Variants in AGBL3 observed in about 807,000 individuals in gnomAD.
AGBL3 encodes the protein cytosolic carboxypeptidase 3.
Under a neutral mutation model 94.5 loss-of-function variants are expected in AGBL3, and 68 were observed. The ratio of observed to expected loss-of-function variants is 0.72; its 90% CI spans 0.59 to 0.88. AGBL3 has a LOEUF of 0.88. Among genes scored for constraint, AGBL3 ranks in the 40% least tolerant of loss-of-function variants. The pLI is 0.00. For missense variants in AGBL3, 934 were observed against 1,103.8 expected (o/e 0.85, Z 2.18); for synonymous variants, 354 against 370.7 (o/e 0.95, Z 0.52).
At chr7:135,005,028 A>G (rs1167614082) in intron 4 of AGBL3, among the ~76,000 whole-genome samples, 1 of 151,702 alleles carries the variant, frequency 6.6e-6, no homozygotes. Flanking sequence ...AAAGGATCGT[A>G]CAGGAACCCA....
intron 4 of AGBL3, among the ~76,000 whole-genome samples, chr7:135,009,282 TATTA>T (rs1812801312): frequency 6.6e-6 from 1 of 152,160 alleles, no homozygotes. Flanking sequence ...CACAATAGAA[TATTA>T]ATTAGCCATA....
chr7:135,056,958 GA>G (rs1195886644), intron 11 of AGBL3, among the ~76,000 whole-genome samples: 2 of 151,922 alleles, frequency 1.3e-5, no homozygotes, highest in African/African-American at 4.8e-5. Context: ...AAAATCCAAG[GA>G]CCTACACTAC....
chr7:135,059,056 C>T (rs576253337), intron 11 of AGBL3, 113 bp from the exon 12 acceptor site: 31 of 840,506 alleles, frequency 3.7e-5, no homozygotes, highest in Non-Finnish European at 5.7e-5. Flanking sequence ...TGCGCCCGGC[C>T]ACTTCTTATA....
chr7:135,062,691 C>A (rs530078355), intron 12 of AGBL3, among the ~76,000 whole-genome samples: 57 of 152,226 alleles, frequency 3.7e-4, no homozygotes, highest in African/African-American at 1.3e-3. Flanking sequence ...GTTGAACCAT[C>A]CCTGTATTCC....
chr7:135,055,408 G>A (rs1818254472), intron 11 of AGBL3, among the ~76,000 whole-genome samples: 1 of 152,162 alleles, frequency 6.6e-6, no homozygotes, highest in Non-Finnish European at 1.5e-5. Flanking sequence ...TAGCTGTAAG[G>A]TTTCTGTAGA....
intron 12 of AGBL3, among the ~76,000 whole-genome samples, chr7:135,062,334 A>G (rs1281656015): frequency 6.6e-6 from 1 of 151,996 alleles, no homozygotes; most frequent in Admixed American, 6.6e-5. Context: ...TCTCCAAACA[A>G]GGACAATTTA....
chr7:135,071,364 C>G (rs923841942), intron 12 of AGBL3, among the ~76,000 whole-genome samples: 1 of 152,032 alleles, frequency 6.6e-6, no homozygotes, highest in Non-Finnish European at 1.5e-5. Context: ...TCAATGCCAT[C>G]CCCATCAAGT....
chr7:135,108,197 C>A (rs906740002), intron 15 of AGBL3, among the ~76,000 whole-genome samples: 1 of 151,998 alleles, frequency 6.6e-6, no homozygotes, highest in African/African-American at 2.4e-5. Context: ...TAAATGGGGG[C>A]ATTTAGCCCA....
intron 5 of AGBL3, among the ~76,000 whole-genome samples, chr7:135,021,155 A>T (rs370557335): frequency 6.6e-6 from 1 of 152,194 alleles, no homozygotes; most frequent in South Asian, 2.1e-4. Flanking sequence ...TAGACACTTC[A>T]TTCTGTTCCA....
chr7:135,062,437 C>T (rs1285196955), intron 12 of AGBL3, among the ~76,000 whole-genome samples: 1 of 152,048 alleles, frequency 6.6e-6, no homozygotes. Flanking sequence ...TTGTCTTGTT[C>T]CTGATCTTAG....
chr7:134,997,620 TACCACC>T (rs556598385), intron 4 of AGBL3, among the ~76,000 whole-genome samples: 2 of 152,126 alleles, frequency 1.3e-5, no homozygotes, highest in Admixed American at 1.3e-4. Context: ...CCAAGGCCTC[TACCACC>T]ACCACCACCA....
Position 135,107,480 on chromosome 7 carries a change from T to C in AGBL3, c.2111-7900T>C, listed in dbSNP as rs192444119. ...CTTAACTTCATTATTTACCCGAAAGTCATTCAGGAGCATGTTGTTTAGTTT... is the reference window on the plus strand; with the variant it reads ...CTTAACTTCATTATTTACCCGAAAGCCATTCAGGAGCATGTTGTTTAGTTT... On this transcript the variant is annotated intron_variant, in intron 15 of 16. Transcript: ENST00000436302. Among the ~76,000 whole-genome samples, 10 of 152,340 alleles carry C rather than the reference T, an allele frequency of 6.6e-5. No individual in the cohort carries two copies. The East Asian group carries it at 1.9e-3, about 29-fold the overall frequency.
intron 12 of AGBL3, among the ~76,000 whole-genome samples, chr7:135,063,362 T>C (rs939837318): frequency 2.0e-5 from 3 of 152,134 alleles, no homozygotes; most frequent in African/African-American, 7.2e-5. Context: ...TCTGATATTA[T>C]TTTCTTCTTT....
In AGBL3 at chr7:135,013,916, C is replaced by T. The variant is rs144815178; in HGVS notation, c.311-3136C>T. 1.3e-3 allele frequency among the ~76,000 whole-genome samples: 192 copies of T among 152,116 alleles called. 3 individuals are homozygous for T. The highest frequency in any genetic ancestry group is 4.6e-3 in the African/African-American group (190 of 41,484). On this transcript the variant is annotated intron_variant, in intron 4 of 16. Transcript: ENST00000436302. ...AAAAGATAAAAACCAAAATGTTGGC[C>T]GGGCGCAGTGGCTCATGTCTGTAAT... is the stretch of plus-strand genomic sequence containing the variant.
intron 7 of AGBL3, 105 bp from the exon 8 acceptor site, chr7:135,037,313 T>C: frequency 1.1e-6 from 1 of 933,328 alleles, no homozygotes; most frequent in Admixed American, 3.5e-5. Context: ...AGCTAGGATA[T>C]AAGAAATTGT....
Position 135,008,618 on chromosome 7 carries a change from GAAA to G in AGBL3, c.311-8423_311-8421del, listed in dbSNP as rs34573898. On this transcript the variant is annotated intron_variant, in intron 4 of 16. Transcript: ENST00000436302. ...AATGCCAGAAGCACAAGCAACAACT[GAAA>G]AAAAAAAAAATAGATGAATTGAACT... 1.2e-3 allele frequency among the ~76,000 whole-genome samples: 166 copies of G among 143,904 alleles called. 3 individuals are homozygous for G. In the South Asian group the frequency reaches 0.023, roughly 20 times the overall value. The allele number at this position is 143,904 out of a possible 152,430, so 94.4% of individuals were successfully genotyped here.
At chr7:135,003,365 A>G (rs183795414) in intron 4 of AGBL3, among the ~76,000 whole-genome samples, 289 of 152,158 alleles carry the variant, frequency 1.9e-3, no homozygotes, top group African/African-American at 6.9e-3. Flanking sequence ...CTCTATTACT[A>G]TAGCTTTTAA....
intron 16 of AGBL3, among the ~76,000 whole-genome samples, chr7:135,125,536 C>G (rs1229644511): frequency 6.6e-6 from 1 of 152,164 alleles, no homozygotes; most frequent in Non-Finnish European, 1.5e-5. Flanking sequence ...CTCCCTAACT[C>G]AATTTATGAA....
rs941672577 is a variant in AGBL3 at position 135,034,944 on chromosome 7, A to G, written c.1337+16A>G. 6.8e-7 allele frequency: 1 copy of G among 1,468,690 alleles called. No homozygotes were observed. The highest frequency in any genetic ancestry group is 9.0e-7 in the Non-Finnish European group (1 of 1,112,314). 91.0% of individuals were successfully genotyped at this position (1,468,690 alleles called of 1,614,324 possible). The stretch of plus-strand genomic sequence containing the variant: ...TGGTTCATAGGTAAAATAAGCCTCA[A>G]ATTACCTCTGTGCTTATTTAGTAAA... On this transcript the variant is annotated intron_variant, in intron 7 of 16. Coordinates refer to ENST00000436302, the MANE Select transcript of AGBL3 (RefSeq NM_178563.4).
Sources: gnomAD v4.1 joint callset for allele counts (sites outside exome capture counted in the v4.1 genomes callset) on GRCh38, gnomAD v4.1.1 for gene constraint, MANE v1.5 for transcripts, NCBI Gene and HGNC (gene_info 2026-07-23, HGNC 2026-07-21) for gene names.